ADAM23: variants seen among roughly 807,000 people sequenced by gnomAD.
The protein encoded by ADAM23 is disintegrin and metalloproteinase domain-containing protein 23.
Under a neutral mutation model 120.1 loss-of-function variants are expected in ADAM23, and 33 were observed. The ratio of observed to expected loss-of-function variants is 0.27; its 90% CI spans 0.21 to 0.37. ADAM23 has a LOEUF of 0.37. Among genes scored for constraint, ADAM23 ranks in the 10% least tolerant of loss-of-function variants. The probability of loss-of-function intolerance (pLI) is 1.00; values close to 1 mark genes in which losing one functional copy is unlikely to be tolerated. For missense variants in ADAM23, 862 were observed against 1,058.2 expected, an observed-to-expected ratio of 0.81 and a Z score of 2.57; for synonymous variants, 367 against 375.2, an observed-to-expected ratio of 0.98 and a Z score of 0.25.
chr2:206,476,223 C>T (rs994490608), intron 2 of ADAM23, among the ~76,000 whole-genome samples: 1 of 152,082 alleles, frequency 6.6e-6, no homozygotes, highest in African/African-American at 2.4e-5. Context: ...ATTTTCTTGT[C>T]TATTGATATT....
intron 3 of ADAM23, among the ~76,000 whole-genome samples, chr2:206,504,391 A>G (rs983059485): frequency 6.6e-6 from 1 of 152,132 alleles, no homozygotes; most frequent in African/African-American, 2.4e-5. Flanking sequence ...TTAATGTGTT[A>G]GAGCCAGAAT....
intron 2 of ADAM23, among the ~76,000 whole-genome samples, chr2:206,446,539 ATCCCCATTTTACAAAT>A (rs1164545677): frequency 6.6e-6 from 1 of 152,166 alleles, no homozygotes; most frequent in Non-Finnish European, 1.5e-5. Context: ...AACAGTATTT[ATCCCCATTTTACAAAT>A]GGGGAGCTAG....
intron 21 of ADAM23, 149 bp downstream of exon 21, chr2:206,589,663 A>G: frequency 7.1e-6 from 4 of 562,694 alleles, no homozygotes; most frequent in Non-Finnish European, 9.0e-6. Flanking sequence ...AGGTATTATT[A>G]TATCTAGAGG....
intron 18 of ADAM23, among the ~76,000 whole-genome samples, chr2:206,579,962 T>G (rs968013443): frequency 2.4e-4 from 37 of 152,060 alleles, no homozygotes; most frequent in African/African-American, 8.4e-4. Context: ...CCTAAGTATT[T>G]TTTTTTTTTG....
chr2:206,444,537 C>T (rs1356099837), intron 1 of ADAM23, among the ~76,000 whole-genome samples: 1 of 152,170 alleles, frequency 6.6e-6, no homozygotes, highest in African/African-American at 2.4e-5. Flanking sequence ...GGGGGAGGCA[C>T]ACTTCGGGGA....
chr2:206,522,269 G>A (rs1369877891), intron 3 of ADAM23, among the ~76,000 whole-genome samples: 1 of 151,586 alleles, frequency 6.6e-6, no homozygotes, highest in African/African-American at 2.4e-5. Context: ...GATGTTTTTT[G>A]TTGGTTGTAC....
intron 3 of ADAM23, among the ~76,000 whole-genome samples, chr2:206,525,695 A>G (rs1006819140): frequency 3.9e-5 from 6 of 151,974 alleles, no homozygotes; most frequent in African/African-American, 9.7e-5. Flanking sequence ...AGGTTCAAGC[A>G]ATTCTCCTGC....
intron 3 of ADAM23, among the ~76,000 whole-genome samples, chr2:206,529,054 C>T (rs17211582): frequency 0.044 from 6,658 of 152,184 alleles, 221 homozygotes; most frequent in Middle Eastern, 0.11. Context: ...TTTTGTATTT[C>T]CACATTGTAT....
intron 25 of ADAM23, among the ~76,000 whole-genome samples, chr2:206,615,120 C>T (rs1698910921): frequency 6.6e-6 from 1 of 152,136 alleles, no homozygotes. Flanking sequence ...AAAGGCTTTA[C>T]GGCTCTGAGA....
chr2:206,547,278 C>A, intron 6 of ADAM23, 151 bp from the exon 7 acceptor site: 1 of 536,958 alleles, frequency 1.9e-6, no homozygotes, highest in African/African-American at 1.9e-5. Flanking sequence ...ATTAAGATTT[C>A]AATAAGACAT....
intron 15 of ADAM23, among the ~76,000 whole-genome samples, chr2:206,570,465 A>T (rs554043147): frequency 6.6e-6 from 1 of 152,202 alleles, no homozygotes; most frequent in African/African-American, 2.4e-5. Context: ...GCTTGTCTCC[A>T]TGAAAAGTAA....
At chr2:206,487,218 TGAG>T (rs964600134) in intron 3 of ADAM23, among the ~76,000 whole-genome samples, 2 of 152,160 alleles carry the variant, frequency 1.3e-5, no homozygotes, top group African/African-American at 4.8e-5. Flanking sequence ...GATTCTACAT[TGAG>T]GAGAAGAGGC....
chr2:206,465,818 A>G (rs1695531831), intron 2 of ADAM23, among the ~76,000 whole-genome samples: 1 of 152,186 alleles, frequency 6.6e-6, no homozygotes, highest in Non-Finnish European at 1.5e-5. Flanking sequence ...AGCTCGGAGA[A>G]CAGATGTAGG....
intron 1 of ADAM23, among the ~76,000 whole-genome samples, chr2:206,444,859 G>A (rs1312748230): frequency 5.3e-5 from 8 of 152,190 alleles, no homozygotes; most frequent in African/African-American, 1.4e-4. Flanking sequence ...GTTATCTTAG[G>A]AGCGTTCTTA....
intron 2 of ADAM23, among the ~76,000 whole-genome samples, chr2:206,477,893 A>ATATATATGTAT (rs1199167461): frequency 9.9e-6 from 1 of 101,474 alleles, no homozygotes; most frequent in Admixed American, 1.1e-4. Context: ...AAAAAAAAAA[A>ATATATATGTAT]AAAAATATAT....
intron 18 of ADAM23, among the ~76,000 whole-genome samples, chr2:206,584,008 AG>A (rs1471763993): frequency 6.6e-6 from 1 of 152,072 alleles, no homozygotes; most frequent in African/African-American, 2.4e-5. Flanking sequence ...GGGAAGGTCT[AG>A]GGGTGAAGGC....
At chr2:206,591,928 T>C (rs527928828) in intron 21 of ADAM23, among the ~76,000 whole-genome samples, 1 of 152,326 alleles carries the variant, frequency 6.6e-6, no homozygotes, top group Admixed American at 6.5e-5. Context: ...TTTTGTACAT[T>C]TGTTGGACAT....
intron 3 of ADAM23, among the ~76,000 whole-genome samples, chr2:206,497,868 C>T (rs1696291484): frequency 6.6e-6 from 1 of 152,084 alleles, no homozygotes; most frequent in Non-Finnish European, 1.5e-5. Context: ...AACAGACAAA[C>T]AGAGAGCCAA....
intron 3 of ADAM23, among the ~76,000 whole-genome samples, chr2:206,493,210 T>A (rs574267129): frequency 6.6e-6 from 1 of 152,304 alleles, no homozygotes; most frequent in South Asian, 2.1e-4. Context: ...AATTATAAAT[T>A]AGAATCCCCA....
Sources: gnomAD v4.1 joint callset for allele counts (sites outside exome capture counted in the v4.1 genomes callset) on GRCh38, gnomAD v4.1.1 for gene constraint, MANE v1.5 for transcripts, NCBI Gene and HGNC (gene_info 2026-07-23, HGNC 2026-07-21) for gene names.